Variants in NIBAN1 observed in about 807,000 individuals in gnomAD.
NIBAN1 encodes protein Niban 1.
NIBAN1 carries 81 observed loss-of-function variants against 75.1 expected under a neutral mutation model. The ratio of observed to expected loss-of-function variants is 1.08; its 90% confidence interval spans 0.90 to 1.30. The LOEUF is 1.30. NIBAN1 is among the 50% of genes most tolerant of loss of function. NIBAN1 has a pLI of 0.00. For missense variants in NIBAN1, 1,133 were observed against 1,128.1 expected, an observed-to-expected ratio of 1.00 and a Z score of -0.06; for synonymous variants, 436 against 424.8, an observed-to-expected ratio of 1.03 and a Z score of -0.32.
At position 184,795,727 on chromosome 1, in the gene NIBAN1, T is replaced by C. The variant is rs765072215; in HGVS notation, c.2037A>G (p.Thr679=). Residue 679 remains threonine, a synonymous_variant, in exon 14 of 14, where the codon ACA becomes ACG. Coordinates refer to ENST00000367511, the MANE Select transcript of NIBAN1 (RefSeq NM_052966.4). Reference sequence around the variant, plus strand: ...CTCCAAACTCCAGCTCTGATGAGCATGTGCCCGGGAGTCCTGCTGTGTCCT... The same window carrying C: ...CTCCAAACTCCAGCTCTGATGAGCACGTGCCCGGGAGTCCTGCTGTGTCCT... The part of the protein sequence containing the change: ...ATEDTAGLPG[T]CSSELEFGGT... The C allele has an allele frequency of 1.9e-6, 3 of 1,613,280 alleles. No individual in the cohort carries two copies. Among genetic ancestry groups the C allele is most frequent in the East Asian group, 2.2e-5 (1 of 44,874 alleles).
At chr1:184,891,095 A>C (rs1318993100) in intron 3 of NIBAN1, among the ~76,000 whole-genome samples, 1 of 152,236 alleles carries the variant, frequency 6.6e-6, no homozygotes, top group Non-Finnish European at 1.5e-5. Flanking sequence ...CAGAGTAACG[A>C]TAACACGTTC....
intron 1 of NIBAN1, among the ~76,000 whole-genome samples, chr1:184,950,087 T>TA (rs1209976404): frequency 5.9e-5 from 9 of 152,150 alleles, no homozygotes; most frequent in South Asian, 4.1e-4. Context: ...AAAATCATTT[T>TA]AAAAAAAACA....
At chr1:184,947,045 C>T (rs1658242908) in intron 1 of NIBAN1, among the ~76,000 whole-genome samples, 1 of 122,656 alleles carries the variant, frequency 8.2e-6, no homozygotes, top group Admixed American at 8.4e-5. Context: ...TGCACTCCAG[C>T]CTGGGCAACA....
rs531695647 is a variant in NIBAN1 at position 184,793,522 on chromosome 1, C to T, written c.*1455G>A. 6.6e-6 allele frequency: 1 copy of T among 152,284 alleles called. No individual in the cohort carries two copies. Among genetic ancestry groups the T allele is most frequent in the South Asian group, 2.1e-4 (1 of 4,824 alleles). The allele number at this position is 152,284 out of a possible 1,614,324, so 9.4% of individuals were successfully genotyped here. On this transcript the variant is annotated 3_prime_UTR_variant, in exon 14 of 14. Transcript: ENST00000367511. ...AGTGAGCCGAGATCACACCACTGCA[C>T]TCCAGCCTTGGCGACAGAGTGAGAC...
At chr1:184,951,563 A>G (rs1008980361) in intron 1 of NIBAN1, among the ~76,000 whole-genome samples, 1 of 152,000 alleles carries the variant, frequency 6.6e-6, no homozygotes, top group Non-Finnish European at 1.5e-5. Flanking sequence ...AAATCCTGTC[A>G]GCTCTACCTC....
At chr1:184,951,048 C>T (rs1658345861) in intron 1 of NIBAN1, among the ~76,000 whole-genome samples, 1 of 152,192 alleles carries the variant, frequency 6.6e-6, no homozygotes, top group Non-Finnish European at 1.5e-5. Context: ...AGCATGAACT[C>T]AGCTCAGTTT....
intron 5 of NIBAN1, among the ~76,000 whole-genome samples, chr1:184,874,926 A>T (rs1164742545): frequency 1.3e-5 from 2 of 152,226 alleles, no homozygotes; most frequent in African/African-American, 4.8e-5. Context: ...GACCATATGC[A>T]GGGACACAAA....
At chr1:184,968,521 C>A (rs1658856886) in intron 1 of NIBAN1, among the ~76,000 whole-genome samples, 1 of 152,162 alleles carries the variant, frequency 6.6e-6, no homozygotes, top group Non-Finnish European at 1.5e-5. Context: ...TTTCCTCCAT[C>A]CCCACTACTC....
chr1:184,869,931 C>T (rs746982768), intron 5 of NIBAN1, among the ~76,000 whole-genome samples: 2 of 152,100 alleles, frequency 1.3e-5, no homozygotes, highest in African/African-American at 2.4e-5. Context: ...ACCAGTAATA[C>T]AATTTGAGAA....
intron 5 of NIBAN1, among the ~76,000 whole-genome samples, chr1:184,859,782 T>C (rs1035989820): frequency 1.3e-5 from 2 of 151,622 alleles, no homozygotes; most frequent in Admixed American, 6.6e-5. Context: ...TGTGAGTGAC[T>C]GGTGGCTACC....
Position 184,815,321 on chromosome 1 carries a change from A to C in NIBAN1, c.1173+3317T>G, listed in dbSNP as rs932138949. On this transcript the variant is annotated intron_variant, in intron 9 of 13. Coordinates refer to ENST00000367511, the MANE Select transcript of NIBAN1 (RefSeq NM_052966.4). ...CCTGAAGATTAGATCTTCTGAAAACATCAGAGAAAGACTGTCATTGCCCTC... is the reference window on the plus strand; with the variant it reads ...CCTGAAGATTAGATCTTCTGAAAACCTCAGAGAAAGACTGTCATTGCCCTC... 2.6e-5 allele frequency among the ~76,000 whole-genome samples: 4 copies of C among 152,322 alleles called. No individual in the cohort carries two copies. In the East Asian group the frequency reaches 7.7e-4, roughly 29 times the overall value.
chr1:184,823,733 T>C lies in NIBAN1; in HGVS notation c.727A>G (p.Asn243Asp), dbSNP rs759439053. 6.2e-7 allele frequency: 1 copy of C among 1,614,090 alleles called. No homozygotes were observed. The highest frequency in any genetic ancestry group is 8.5e-7 in the Non-Finnish European group (1 of 1,179,954). ...GGCAGGAGCTCCTCCATCACCAGGT[T>C]ACTCAGGATCTGCGCAGCAGAAGAC... Reference protein sequence around the residue: ...ITGDEIQILSNLVMEELLPTL... With the variant: ...ITGDEIQILSDLVMEELLPTL... The change falls in exon 7 of 14, where the codon AAC (asparagine) becomes GAC (aspartate). Residue 243 changes from asparagine (N) to aspartate (D), a missense_variant. Transcript: ENST00000367511.
At chr1:184,919,461 A>G (rs368760767) in intron 1 of NIBAN1, among the ~76,000 whole-genome samples, 2 of 152,230 alleles carry the variant, frequency 1.3e-5, no homozygotes, top group Non-Finnish European at 2.9e-5. Flanking sequence ...TATATGGCAC[A>G]AAATACTTGG....
intron 1 of NIBAN1, among the ~76,000 whole-genome samples, chr1:184,943,932 AC>A (rs1294757051): frequency 6.6e-6 from 1 of 152,228 alleles, no homozygotes; most frequent in African/African-American, 2.4e-5. Context: ...TAAGCTTATC[AC>A]AAAAACAGGG....
At chr1:184,843,126 A>T (rs941300309) in intron 5 of NIBAN1, among the ~76,000 whole-genome samples, 1 of 152,248 alleles carries the variant, frequency 6.6e-6, no homozygotes, top group Non-Finnish European at 1.5e-5. Context: ...TAAGGAATCA[A>T]CACTTCAGGT....
At chr1:184,828,029 G>A (rs1293188153) in intron 6 of NIBAN1, among the ~76,000 whole-genome samples, 1 of 148,120 alleles carries the variant, frequency 6.8e-6, no homozygotes, top group African/African-American at 2.5e-5. Context: ...GCCCATCTTG[G>A]TATTTTAAAA....
intron 5 of NIBAN1, 33 bp downstream of exon 5, chr1:184,884,600 C>A (rs756171506): frequency 1.1e-5 from 18 of 1,610,052 alleles, no homozygotes; most frequent in Non-Finnish European, 1.5e-5. Context: ...CCCCACTTCC[C>A]GCCCCGGGGA....
At chr1:184,958,399 CACAAAT>C (rs1658544606) in intron 1 of NIBAN1, among the ~76,000 whole-genome samples, 1 of 141,140 alleles carries the variant, frequency 7.1e-6, no homozygotes, top group Non-Finnish European at 1.6e-5. Flanking sequence ...CACACACACA[CACAAAT>C]AGCCAAATAA....
At chr1:184,806,944 A>G (rs1465518149) in intron 10 of NIBAN1, among the ~76,000 whole-genome samples, 1 of 151,654 alleles carries the variant, frequency 6.6e-6, no homozygotes, top group African/African-American at 2.4e-5. Context: ...ATTTTTTTGT[A>G]TTTTTAGTAG....
Sources: gnomAD v4.1 joint callset for allele counts (sites outside exome capture counted in the v4.1 genomes callset) on GRCh38, gnomAD v4.1.1 for gene constraint, MANE v1.5 for transcripts, NCBI Gene and HGNC (gene_info 2026-07-23, HGNC 2026-07-21) for gene names.